The following FHIT variants were observed in gnomAD, a reference collection of about 807,000 sequenced individuals.
FHIT encodes bis(5'-adenosyl)-triphosphatase.
Under a neutral mutation model 17.9 loss-of-function variants are expected in FHIT, and 19 were observed. The ratio of observed to expected loss-of-function variants is 1.06; its 90% CI spans 0.74 to 1.56. The LOEUF is 1.56. Ranked by LOEUF, FHIT falls within the 40% of genes most tolerant of loss-of-function variation. The pLI is 0.00. For synonymous variants in FHIT, 81 were observed against 69.7 expected (o/e 1.16, Z -0.81); for missense variants, 248 against 189.2 (o/e 1.31, Z -1.82).
At chr3:60,382,893 A>G (rs1304596199) in intron 5 of FHIT, among the ~76,000 whole-genome samples, 3 of 152,114 alleles carry the variant, frequency 2.0e-5, no homozygotes, top group African/African-American at 7.2e-5. Flanking sequence ...TTCCCCAAAC[A>G]CTGCTTCCAC....
At chr3:60,375,874 G>A (rs190554669) in intron 5 of FHIT, among the ~76,000 whole-genome samples, 1 of 152,248 alleles carries the variant, frequency 6.6e-6, no homozygotes, top group Admixed American at 6.5e-5. Flanking sequence ...TTCCAGATGT[G>A]TGTTGCCCAA....
chr3:61,085,678 T>C (rs1483623926), intron 2 of FHIT, among the ~76,000 whole-genome samples: 2 of 152,138 alleles, frequency 1.3e-5, no homozygotes, highest in African/African-American at 4.8e-5. Context: ...TTTGGTGTTA[T>C]ATCTAAGAAA....
intron 5 of FHIT, among the ~76,000 whole-genome samples, chr3:60,071,945 T>C (rs1009847814): frequency 3.9e-5 from 6 of 152,202 alleles, no homozygotes; most frequent in Admixed American, 3.3e-4. Context: ...TTTGCTTCTC[T>C]TTTGCCTTCC....
chr3:60,059,568 T>C (rs1056396709), intron 5 of FHIT, among the ~76,000 whole-genome samples: 1 of 152,186 alleles, frequency 6.6e-6, no homozygotes, highest in African/African-American at 2.4e-5. Context: ...AGCTTTTTAA[T>C]AAACTTCCAC....
At chr3:60,571,709 T>C (rs571112696) in intron 4 of FHIT, among the ~76,000 whole-genome samples, 3 of 152,224 alleles carry the variant, frequency 2.0e-5, no homozygotes, top group African/African-American at 7.2e-5. Flanking sequence ...ATCATTACAA[T>C]AGAGCTACAT....
At chr3:60,520,857 A>T (rs1018679882) in intron 5 of FHIT, among the ~76,000 whole-genome samples, 3 of 152,160 alleles carry the variant, frequency 2.0e-5, no homozygotes, top group African/African-American at 7.2e-5. Context: ...AATGAACAGC[A>T]GCATTTTTCA....
chr3:61,228,176 A>AT (rs1406265189), intron 1 of FHIT, among the ~76,000 whole-genome samples: 5 of 146,026 alleles, frequency 3.4e-5, no homozygotes, highest in African/African-American at 1.1e-4. Flanking sequence ...TAAAAAAATA[A>AT]TTTAAAAAAA....
intron 4 of FHIT, among the ~76,000 whole-genome samples, chr3:60,755,317 G>C (rs1160698503): frequency 2.6e-5 from 4 of 152,154 alleles, no homozygotes; most frequent in Non-Finnish European, 5.9e-5. Context: ...TCCCTGAAGG[G>C]GGCAGCAGCC....
intron 5 of FHIT, among the ~76,000 whole-genome samples, chr3:60,483,474 T>C (rs1001294765): frequency 3.9e-5 from 6 of 152,326 alleles, no homozygotes; most frequent in African/African-American, 1.2e-4. Flanking sequence ...AAAAAACTTA[T>C]CCACCACGAT....
At chr3:60,324,683 G>C (rs1388280132) in intron 5 of FHIT, among the ~76,000 whole-genome samples, 5 of 151,980 alleles carry the variant, frequency 3.3e-5, no homozygotes, top group Non-Finnish European at 7.4e-5. Flanking sequence ...ACAAAAGGCA[G>C]AAAAAGAACA....
chr3:60,944,839 A>G (rs1708572735), intron 3 of FHIT, among the ~76,000 whole-genome samples: 1 of 152,222 alleles, frequency 6.6e-6, no homozygotes, highest in Admixed American at 6.5e-5. Context: ...CATAGTAGTC[A>G]GCACACTTTA....
intron 4 of FHIT, among the ~76,000 whole-genome samples, chr3:60,597,720 T>C (rs2038315622): frequency 1.3e-5 from 2 of 152,120 alleles, no homozygotes; most frequent in Admixed American, 1.3e-4. Context: ...AAATGGGAGT[T>C]CATCAAACTG....
chr3:61,096,474 T>C (rs912879519), intron 2 of FHIT, among the ~76,000 whole-genome samples: 5 of 152,142 alleles, frequency 3.3e-5, no homozygotes, highest in African/African-American at 1.2e-4. Flanking sequence ...CACCCTATAA[T>C]AGTTGTTTCA....
At chr3:60,346,219 T>C (rs746955786) in intron 5 of FHIT, among the ~76,000 whole-genome samples, 50 of 152,226 alleles carry the variant, frequency 3.3e-4, no homozygotes, top group Non-Finnish European at 6.9e-4. Context: ...TAGTGCTCTT[T>C]ACAGCATTGG....
chr3:61,037,818 C>A (rs905522507), intron 3 of FHIT, among the ~76,000 whole-genome samples: 4 of 152,144 alleles, frequency 2.6e-5, no homozygotes, highest in Non-Finnish European at 4.4e-5. Flanking sequence ...GATGTCCCAG[C>A]CTCTAGGACC....
chr3:59,904,101 C>G (rs1387455196), intron 8 of FHIT, among the ~76,000 whole-genome samples: 2 of 147,772 alleles, frequency 1.4e-5, no homozygotes, highest in Non-Finnish European at 3.0e-5. Context: ...CGCCCCCGGA[C>G]AGCCAGTTGT....
intron 8 of FHIT, among the ~76,000 whole-genome samples, chr3:59,755,309 A>T (rs1701157040): frequency 6.6e-6 from 1 of 152,166 alleles, no homozygotes; most frequent in Non-Finnish European, 1.5e-5. Flanking sequence ...AGAAATAGGG[A>T]GCCTGGGAAA....
intron 5 of FHIT, among the ~76,000 whole-genome samples, chr3:60,272,024 G>A (rs1269437456): frequency 2.0e-5 from 3 of 152,204 alleles, no homozygotes; most frequent in African/African-American, 7.2e-5. Flanking sequence ...ACTAACTGGA[G>A]GAAGTGAGAT....
At chr3:60,143,099 T>C (rs1219673421) in intron 5 of FHIT, among the ~76,000 whole-genome samples, 1 of 152,100 alleles carries the variant, frequency 6.6e-6, no homozygotes, top group Admixed American at 6.6e-5. Flanking sequence ...ATATACTAAA[T>C]GCCCAGAAAG....
Sources: gnomAD v4.1 joint callset for allele counts (sites outside exome capture counted in the v4.1 genomes callset) on GRCh38, gnomAD v4.1.1 for gene constraint, MANE v1.5 for transcripts, NCBI Gene and HGNC (gene_info 2026-07-23, HGNC 2026-07-21) for gene names.